Variants in FIG4 observed in about 807,000 individuals in gnomAD.
FIG4 encodes polyphosphoinositide phosphatase.
In FIG4, 112 loss-of-function variants were observed where a neutral mutation model predicts 118.6. The ratio of observed to expected loss-of-function variants is 0.94; its 90% CI spans 0.81 to 1.11. The LOEUF is 1.11. Ranked by LOEUF, FIG4 falls within the 50% of genes least tolerant of loss-of-function variation. The probability of loss-of-function intolerance (pLI) is 0.00; values close to 1 mark genes in which losing one functional copy is unlikely to be tolerated. For missense variants in FIG4, 969 were observed against 1,111.7 expected (o/e 0.87, Z 1.83); for synonymous variants, 369 against 381.2 (o/e 0.97, Z 0.37).
At chr6:109,784,406 A>C (rs1562682318) in intron 16 of FIG4, among the ~76,000 whole-genome samples, 1 of 152,242 alleles carries the variant, frequency 6.6e-6, no homozygotes, top group Non-Finnish European at 1.5e-5. Context: ...ACAGTTAAAG[A>C]ATAACGGTCT....
At chr6:109,755,308 G>A (rs1377322248) in intron 10 of FIG4, among the ~76,000 whole-genome samples, 2 of 152,150 alleles carry the variant, frequency 1.3e-5, no homozygotes, top group African/African-American at 4.8e-5. Flanking sequence ...GAGACAGCTT[G>A]TTATAATTTC....
chr6:109,741,640 T>TTAG, intron 8 of FIG4, 96 bp downstream of exon 8: 1 of 854,864 alleles, frequency 1.2e-6, no homozygotes, highest in Non-Finnish European at 2.0e-6. Context: ...GTGGTATTTC[T>TTAG]TAGTTTGGGA....
At chr6:109,773,102 C>T (rs988416675) in intron 15 of FIG4, among the ~76,000 whole-genome samples, 1 of 152,164 alleles carries the variant, frequency 6.6e-6, no homozygotes, top group Non-Finnish European at 1.5e-5. Context: ...TGGCTTGTGG[C>T]CTGCTCTATT....
At chr6:109,766,115 T>A (rs1777271456) in intron 14 of FIG4, among the ~76,000 whole-genome samples, 1 of 152,186 alleles carries the variant, frequency 6.6e-6, no homozygotes, top group Admixed American at 6.5e-5. Flanking sequence ...GGAACCGTCA[T>A]GACTGGGATT....
chr6:109,694,885 G>A (rs1774662323), intron 1 of FIG4, among the ~76,000 whole-genome samples: 1 of 152,190 alleles, frequency 6.6e-6, no homozygotes, highest in Admixed American at 6.5e-5. Context: ...ACCACAGTGA[G>A]ATATCATGTC....
chr6:109,707,442 T>C (rs566577887), intron 1 of FIG4, among the ~76,000 whole-genome samples: 85 of 148,852 alleles, frequency 5.7e-4, no homozygotes, highest in African/African-American at 1.8e-3. Flanking sequence ...TATATATACA[T>C]ATATATACAC....
chr6:109,749,600 A>ATAAAATAAAATAAAATAAAG (rs1554302300), intron 10 of FIG4, among the ~76,000 whole-genome samples: 1 of 151,554 alleles, frequency 6.6e-6, no homozygotes, highest in Non-Finnish European at 1.5e-5. Context: ...ATAAAATAAA[A>ATAAAATAAAATAAAATAAAG]TAAAATAAAA....
chr6:109,761,589 G>A (rs1292917039), intron 11 of FIG4, among the ~76,000 whole-genome samples: 9 of 152,190 alleles, frequency 5.9e-5, no homozygotes, highest in African/African-American at 2.2e-4. Context: ...GTTTCACCAT[G>A]TTGGCCAGTC....
At chr6:109,783,039 C>T (rs1472983764) in intron 16 of FIG4, among the ~76,000 whole-genome samples, 2 of 152,188 alleles carry the variant, frequency 1.3e-5, no homozygotes, top group Non-Finnish European at 2.9e-5. Flanking sequence ...TGCGTGTTCT[C>T]ACTTAAAAGT....
intron 16 of FIG4, among the ~76,000 whole-genome samples, chr6:109,784,190 A>G (rs1777886707): frequency 6.6e-6 from 1 of 152,042 alleles, no homozygotes; most frequent in African/African-American, 2.4e-5. Context: ...CCTAGCTCTC[A>G]TGAACTTTGA....
intron 22 of FIG4, among the ~76,000 whole-genome samples, chr6:109,816,159 G>T (rs1778857064): frequency 6.6e-6 from 1 of 152,096 alleles, no homozygotes; most frequent in South Asian, 2.1e-4. Flanking sequence ...TGCTCCACTG[G>T]ATCCTTCACA....
chr6:109,756,370 T>C (rs1776901635), intron 10 of FIG4, among the ~76,000 whole-genome samples: 1 of 152,146 alleles, frequency 6.6e-6, no homozygotes, highest in Non-Finnish European at 1.5e-5. Flanking sequence ...GCCCTTAACA[T>C]TTTTTCCTTC....
Position 109,792,561 on chromosome 6 carries a change from T to TTC in FIG4, c.2377-20_2377-19insCT, listed in dbSNP as rs557926044. On this transcript the variant is annotated intron_variant, in intron 20 of 22. Coordinates refer to ENST00000230124, the MANE Select transcript of FIG4 (RefSeq NM_014845.6). ...GTCTAAAAATTCTTCCTGGTTCTTCTTTTTTTTTTTTAAACCCCAGAATGT... is the reference window on the plus strand; with the variant it reads ...GTCTAAAAATTCTTCCTGGTTCTTCTTCTTTTTTTTTTTAAACCCCAGAATGT... 208 of 323,396 alleles carry TTC rather than the reference T, an allele frequency of 6.4e-4. No individual in the cohort carries two copies. Among genetic ancestry groups the TTC allele is most frequent in the South Asian group, 4.5e-3 (93 of 20,896 alleles). 20.0% of individuals were successfully genotyped at this position (323,396 alleles called of 1,614,324 possible). A position where few individuals can be genotyped will look rare whatever the true frequency, so the allele number is the denominator to read the frequency against.
intron 1 of FIG4, among the ~76,000 whole-genome samples, chr6:109,692,835 G>A (rs980798844): frequency 6.6e-6 from 1 of 152,030 alleles, no homozygotes; most frequent in African/African-American, 2.4e-5. Flanking sequence ...CAAGTAGCTA[G>A]GATTACAGGA....
At chr6:109,691,743 C>T (rs921329801) in intron 1 of FIG4, among the ~76,000 whole-genome samples, 3 of 152,170 alleles carry the variant, frequency 2.0e-5, no homozygotes, top group Non-Finnish European at 4.4e-5. Flanking sequence ...GGCTGGAACA[C>T]GCTGGAAACA....
chr6:109,724,739 C>T (rs1318434288), intron 3 of FIG4, among the ~76,000 whole-genome samples: 2 of 151,918 alleles, frequency 1.3e-5, no homozygotes, highest in African/African-American at 4.8e-5. Flanking sequence ...TTTTTGGACT[C>T]ATCTTACTAT....
At chr6:109,819,941 C>T (rs563627595) in intron 22 of FIG4, among the ~76,000 whole-genome samples, 1 of 152,266 alleles carries the variant, frequency 6.6e-6, no homozygotes, top group African/African-American at 2.4e-5. Flanking sequence ...CTACCATATG[C>T]CAAGGAAAAA....
At chr6:109,718,337 G>T (rs986443857) in intron 3 of FIG4, among the ~76,000 whole-genome samples, 1 of 152,156 alleles carries the variant, frequency 6.6e-6, no homozygotes, top group Admixed American at 6.5e-5. Context: ...CATGAGATTT[G>T]TGTGAAGACA....
intron 22 of FIG4, among the ~76,000 whole-genome samples, chr6:109,820,134 A>G (rs566644485): frequency 3.3e-4 from 50 of 152,156 alleles, no homozygotes; most frequent in Non-Finnish European, 7.1e-4. Context: ...GGCAGAGAAA[A>G]AAACCAGCCC....
Sources: allele counts gnomAD v4.1 joint callset (sites outside exome capture counted in the v4.1 genomes callset), GRCh38; gene constraint gnomAD v4.1.1; transcripts MANE v1.5; gene names NCBI Gene and HGNC (gene_info 2026-07-23, HGNC 2026-07-21).